NRXN1: variants seen among roughly 807,000 people sequenced by gnomAD.
NRXN1 encodes the protein neurexin-1.
NRXN1 carries 39 observed loss-of-function variants against 150.9 expected under a neutral mutation model. The ratio of observed to expected loss-of-function variants is 0.26; its 90% CI spans 0.20 to 0.34. NRXN1 has a LOEUF of 0.34. Among genes scored for constraint, NRXN1 ranks in the 10% least tolerant of loss-of-function variants. The pLI is 1.00. For synonymous variants in NRXN1, 924 were observed against 757.0 expected, an observed-to-expected ratio of 1.22 and a Z score of -3.62; for missense variants, 1,815 against 1,949.9, an observed-to-expected ratio of 0.93 and a Z score of 1.30.
At chr2:50,733,910 G>A (rs1184075684) in intron 5 of NRXN1, among the ~76,000 whole-genome samples, 1 of 151,658 alleles carries the variant, frequency 6.6e-6, no homozygotes, top group Non-Finnish European at 1.5e-5. Flanking sequence ...TTTCACATTC[G>A]TATATTAGCA....
At chr2:49,945,901 C>T (rs535240858) in intron 21 of NRXN1, among the ~76,000 whole-genome samples, 45 of 152,044 alleles carry the variant, frequency 3.0e-4, no homozygotes, top group African/African-American at 1.0e-3. Flanking sequence ...GGGTATATAC[C>T]CAGTAATGGG....
chr2:50,260,920 C>A lies in NRXN1; in HGVS notation c.3365-23950G>T, dbSNP rs2068203514. On this transcript the variant is annotated intron_variant, in intron 17 of 22. Coordinates refer to ENST00000401669, the MANE Select transcript of NRXN1 (RefSeq NM_001330078.2). Reference sequence around the variant, plus strand: ...CCAAAGTACAGATTCAATTTTGAGTCAGGTTAAATTGGGGGCTGAAGTGGG... The same window carrying A: ...CCAAAGTACAGATTCAATTTTGAGTAAGGTTAAATTGGGGGCTGAAGTGGG... Among the ~76,000 whole-genome samples the A allele has an allele frequency of 2.0e-5, 3 of 151,594 alleles. No homozygotes were observed. The South Asian group carries it at 6.2e-4, about 31-fold the overall frequency.
At chr2:49,964,441 G>T (rs1166018288) in intron 21 of NRXN1, among the ~76,000 whole-genome samples, 2 of 151,554 alleles carry the variant, frequency 1.3e-5, no homozygotes. Flanking sequence ...TTAATCGGGT[G>T]TGGTGGCGCA....
intron 2 of NRXN1, among the ~76,000 whole-genome samples, chr2:50,958,854 T>A (rs1575056788): frequency 6.6e-6 from 1 of 152,272 alleles, no homozygotes; most frequent in South Asian, 2.1e-4. Context: ...ATTTTCTTTA[T>A]TAAGTTGAGG....
intron 17 of NRXN1, among the ~76,000 whole-genome samples, chr2:50,455,808 C>T (rs923343205): frequency 1.3e-5 from 2 of 152,070 alleles, no homozygotes; most frequent in Admixed American, 6.6e-5. Context: ...GGGCACTCAT[C>T]AAAGATTTGA....
intron 5 of NRXN1, among the ~76,000 whole-genome samples, chr2:50,855,029 C>A (rs1675068929): frequency 6.6e-6 from 1 of 151,908 alleles, no homozygotes; most frequent in Non-Finnish European, 1.5e-5. Flanking sequence ...CCAAATTATT[C>A]TTATATTGGA....
intron 5 of NRXN1, among the ~76,000 whole-genome samples, chr2:50,848,488 T>C (rs1190759839): frequency 1.3e-5 from 2 of 152,028 alleles, no homozygotes; most frequent in African/African-American, 4.8e-5. Context: ...TGGGAGGCAA[T>C]TGGTTGCTTT....
At chr2:51,024,230 T>C (rs567165520) in intron 2 of NRXN1, among the ~76,000 whole-genome samples, 3 of 152,182 alleles carry the variant, frequency 2.0e-5, no homozygotes, top group African/African-American at 4.8e-5. Flanking sequence ...AAAAAAGCTA[T>C]GTACCCTGTA....
chr2:50,804,096 A>C (rs1261654105), intron 5 of NRXN1, among the ~76,000 whole-genome samples: 4 of 152,176 alleles, frequency 2.6e-5, no homozygotes, highest in Non-Finnish European at 5.9e-5. Context: ...CATTTTTTCC[A>C]ATTCTTACCC....
At chr2:50,846,366 C>G (rs1673654449) in intron 5 of NRXN1, among the ~76,000 whole-genome samples, 1 of 152,082 alleles carries the variant, frequency 6.6e-6, no homozygotes, top group Non-Finnish European at 1.5e-5. Context: ...TTTGCTCATT[C>G]AAATCAATCT....
chr2:50,243,313 A>G (rs538359286), intron 17 of NRXN1, among the ~76,000 whole-genome samples: 3 of 151,816 alleles, frequency 2.0e-5, no homozygotes, highest in African/African-American at 7.2e-5. Flanking sequence ...AAAACAAAAC[A>G]CAATAAATAA....
intron 18 of NRXN1, among the ~76,000 whole-genome samples, chr2:50,229,729 G>A (rs1429749021): frequency 6.6e-6 from 1 of 152,026 alleles, no homozygotes; most frequent in Non-Finnish European, 1.5e-5. Context: ...TGGTTACACA[G>A]GAACTAATCA....
At chr2:50,601,353 C>A (rs1676234952) in intron 8 of NRXN1, among the ~76,000 whole-genome samples, 1 of 152,126 alleles carries the variant, frequency 6.6e-6, no homozygotes, top group Non-Finnish European at 1.5e-5. Flanking sequence ...GAATTTAACT[C>A]TTGGATCTGT....
rs115954748 is a variant in NRXN1 at position 50,428,339 on chromosome 2, C to A, written c.3364+37103G>T. On this transcript the variant is annotated intron_variant, in intron 17 of 22. Coordinates refer to ENST00000401669, the MANE Select transcript of NRXN1 (RefSeq NM_001330078.2). Reference sequence around the variant, plus strand: ...CTGAGGTGGGAAGATCACCTAAGCCCAGAAGGTCGAAACAGCTGTGAGCCA... The same window carrying A: ...CTGAGGTGGGAAGATCACCTAAGCCAAGAAGGTCGAAACAGCTGTGAGCCA... Among the ~76,000 whole-genome samples, 1,242 of 152,176 alleles carry A rather than the reference C, an allele frequency of 8.2e-3. 19 individuals are homozygous for A. Among genetic ancestry groups the A allele is most frequent in the African/African-American group, 0.027 (1,102 of 41,508 alleles).
chr2:50,166,731 C>T (rs994443582), intron 18 of NRXN1, among the ~76,000 whole-genome samples: 2 of 151,966 alleles, frequency 1.3e-5, no homozygotes, highest in Admixed American at 1.3e-4. Context: ...GTTCATGAAG[C>T]AATTAATATA....
intron 18 of NRXN1, among the ~76,000 whole-genome samples, chr2:50,142,144 T>A (rs1016462982): frequency 6.6e-6 from 1 of 152,022 alleles, no homozygotes; most frequent in Non-Finnish European, 1.5e-5. Context: ...TCAAAACCTG[T>A]CTTTTGCAGC....
At chr2:50,683,646 A>AAAAAAAAAAAATATATATATATAT in intron 5 of NRXN1, among the ~76,000 whole-genome samples, 6 of 14,896 alleles carry the variant, frequency 4.0e-4, no homozygotes, top group African/African-American at 1.8e-3. Context: ...AAAAAAAAAA[A>AAAAAAAAAAAATATATATATATAT]ATATATATAT....
At chr2:50,344,518 G>C (rs1293432195) in intron 17 of NRXN1, among the ~76,000 whole-genome samples, 6 of 152,110 alleles carry the variant, frequency 3.9e-5, no homozygotes, top group African/African-American at 1.4e-4. Context: ...AAAGTTCTTT[G>C]ACCCAAAAGA....
At chr2:50,380,836 T>A (rs2080905126) in intron 17 of NRXN1, among the ~76,000 whole-genome samples, 1 of 152,162 alleles carries the variant, frequency 6.6e-6, no homozygotes, top group African/African-American at 2.4e-5. Context: ...TCTCTGAATT[T>A]CTACTTATGC....
Sources: gnomAD v4.1 joint callset for allele counts (sites outside exome capture counted in the v4.1 genomes callset) on GRCh38, gnomAD v4.1.1 for gene constraint, MANE v1.5 for transcripts, NCBI Gene and HGNC (gene_info 2026-07-23, HGNC 2026-07-21) for gene names.